The following METTL5 variants were observed in gnomAD, a reference collection of about 807,000 sequenced individuals.
METTL5 encodes the protein methyltransferase 5, N6-adenosine.
Under a neutral mutation model 26.5 loss-of-function variants are expected in METTL5, and 28 were observed. The ratio of observed to expected loss-of-function variants is 1.06; its 90% confidence interval spans 0.78 to 1.45. The LOEUF is 1.45. Ranked by LOEUF, METTL5 falls within the 40% of genes most tolerant of loss-of-function variation. METTL5 has a pLI of 0.00. For synonymous variants in METTL5, 86 were observed against 82.6 expected, an observed-to-expected ratio of 1.04 and a Z score of -0.22; for missense variants, 231 against 249.9, an observed-to-expected ratio of 0.92 and a Z score of 0.51.
At chr2:169,815,216 G>T (rs1163012808) in intron 5 of METTL5, among the ~76,000 whole-genome samples, 4 of 152,168 alleles carry the variant, frequency 2.6e-5, no homozygotes, top group Admixed American at 2.6e-4. Flanking sequence ...TTTAGCCATT[G>T]TGCTGCTATA....
In METTL5 at chr2:169,824,615, A is replaced by G. The variant is rs200976505; in HGVS notation, c.-18T>C. 6.3e-7 allele frequency: 1 copy of G among 1,576,978 alleles called. No individual in the cohort carries two copies. The highest frequency in any genetic ancestry group is 1.3e-5 in the African/African-American group (1 of 74,220). On this transcript the variant is annotated 5_prime_UTR_variant, in exon 1 of 7. Coordinates refer to ENST00000260953, the MANE Select transcript of METTL5 (RefSeq NM_014168.4). ...TTCTTCATTTTGTTTTAAAGTATGG[A>G]CTCGTAGGGTTTGAAGGCACAGGAT...
intron 4 of METTL5, among the ~76,000 whole-genome samples, chr2:169,816,156 C>T (rs1338750888): frequency 6.6e-6 from 1 of 152,156 alleles, no homozygotes; most frequent in Non-Finnish European, 1.5e-5. Context: ...CATATGGTTT[C>T]TGTAGCATTA....
At chr2:169,817,430 G>C (rs1254612971) in intron 4 of METTL5, among the ~76,000 whole-genome samples, 1 of 152,040 alleles carries the variant, frequency 6.6e-6, no homozygotes, top group Non-Finnish European at 1.5e-5. Context: ...CCCATGACTG[G>C]GTATATACCC....
chr2:169,816,304 C>T (rs1249258901), intron 4 of METTL5, among the ~76,000 whole-genome samples: 2 of 152,102 alleles, frequency 1.3e-5, no homozygotes, highest in African/African-American at 4.8e-5. Flanking sequence ...GGGATCATTT[C>T]TATAGTTCGT....
Position 169,819,656 on chromosome 2 carries a change from GA to G in METTL5, c.407-14del. The stretch of plus-strand genomic sequence containing the variant: ...GCCATATCTGTCCCTGTGAAGAGTA[GA>G]AAAAAAGCTCCTATTTACCTCTTCT... On this transcript the variant is annotated splice_polypyrimidine_tract_variant and intron_variant, in intron 3 of 6. Transcript: ENST00000260953. 5 of 1,583,242 alleles carry G rather than the reference GA, an allele frequency of 3.2e-6. No homozygotes were observed. Among genetic ancestry groups the G allele is most frequent in the East Asian group, 2.2e-5 (1 of 44,590 alleles).
chr2:169,821,048 T>A (rs1019977364), intron 3 of METTL5, 44 bp downstream of exon 3: 1 of 1,485,402 alleles, frequency 6.7e-7, no homozygotes. Flanking sequence ...GGTTTTAAAA[T>A]CTTTTCTATA....
intron 5 of METTL5, among the ~76,000 whole-genome samples, chr2:169,813,580 C>T (rs1345868275): frequency 1.3e-5 from 2 of 151,604 alleles, no homozygotes; most frequent in Admixed American, 6.6e-5. Flanking sequence ...ACTGGCCGGG[C>T]GCGGTGGCTC....
rs1365780311 is a variant in METTL5, at chr2:169,811,824, A to C, written c.626T>G (p.Phe209Cys). ...CGACTTTTGTTTGCGGGGCTTTTAAAAGGAAAACCGAATTAGGTCCACTTC... is the reference window on the plus strand; with the variant it reads ...CGACTTTTGTTTGCGGGGCTTTTAACAGGAAAACCGAATTAGGTCCACTTC... ...DIEVDLIRFS[F>C] The change falls in exon 7 of 7, where the codon TTT becomes TGT. Residue 209 changes from phenylalanine (F) to cysteine (C), a missense_variant. Transcript: ENST00000260953. 6.2e-7 allele frequency: 1 copy of C among 1,613,700 alleles called. No individual in the cohort carries two copies. The highest frequency in any genetic ancestry group is 1.7e-5 in the Admixed American group (1 of 59,990).
rs1445332477 is a variant in METTL5 at position 169,819,559 on chromosome 2, ACTTCT to A, written c.486_489+1del. On this transcript the variant is annotated splice_donor_variant and coding_sequence_variant, in exon 4 of 7. Transcript: ENST00000260953. LOFTEE classifies it high-confidence loss of function. ...ACAGAATATCAGATGATTTGAACTT[ACTTCT>A]CTAGTTGAGGATTTGTGTAAGGAAT... The A allele has an allele frequency of 6.2e-7, 1 of 1,601,034 alleles. No homozygotes were observed. Among genetic ancestry groups the A allele is most frequent in the East Asian group, 2.2e-5 (1 of 44,700 alleles).
At chr2:169,816,059 A>G (rs769744965) in intron 4 of METTL5, among the ~76,000 whole-genome samples, 2 of 152,208 alleles carry the variant, frequency 1.3e-5, no homozygotes, top group Non-Finnish European at 2.9e-5. Context: ...TGATGAAATC[A>G]CCTCAGAATG....
At chr2:169,812,270 C>T (rs1558974558) in intron 6 of METTL5, 187 bp downstream of exon 6, 3 of 878,666 alleles carry the variant, frequency 3.4e-6, no homozygotes, top group Non-Finnish European at 5.3e-6. Flanking sequence ...GACTGAGTCT[C>T]ACTCTTATCG....
intron 5 of METTL5, among the ~76,000 whole-genome samples, chr2:169,815,083 G>C (rs564169731): frequency 6.6e-6 from 1 of 151,780 alleles, no homozygotes; most frequent in Non-Finnish European, 1.5e-5. Context: ...AGTAGAGATG[G>C]GGTTTCACCA....
At chr2:169,818,273 T>C (rs531699813) in intron 4 of METTL5, among the ~76,000 whole-genome samples, 3 of 152,338 alleles carry the variant, frequency 2.0e-5, no homozygotes, top group Admixed American at 6.5e-5. Context: ...AATTGTGTCC[T>C]GTGTTATTCT....
chr2:169,822,120 A>G, intron 1 of METTL5, 63 bp from the exon 2 acceptor site: 1 of 1,546,406 alleles, frequency 6.5e-7, no homozygotes, highest in Non-Finnish European at 8.7e-7. Context: ...ATTTGTGCAA[A>G]TGACTCTTTC....
At chr2:169,820,527 G>T (rs371254243) in intron 3 of METTL5, among the ~76,000 whole-genome samples, 1 of 152,262 alleles carries the variant, frequency 6.6e-6, no homozygotes, top group Middle Eastern at 3.4e-3. Context: ...ATACAAATTT[G>T]TAAAAATGAA....
intron 1 of METTL5, among the ~76,000 whole-genome samples, chr2:169,822,955 T>C (rs902611150): frequency 6.6e-6 from 1 of 152,152 alleles, no homozygotes; most frequent in African/African-American, 2.4e-5. Flanking sequence ...GCAAGGACTG[T>C]TGGCCACTGA....
chr2:169,812,047 A>G (rs1485454690), intron 6 of METTL5, 189 bp from the exon 7 acceptor site: 7 of 676,788 alleles, frequency 1.0e-5, no homozygotes, highest in Non-Finnish European at 4.8e-6. Flanking sequence ...AATATATACT[A>G]TATGAAAAGA....
intron 4 of METTL5, 84 bp from the exon 5 acceptor site, chr2:169,815,612 G>A (rs2081495849): frequency 1.2e-5 from 12 of 963,650 alleles, no homozygotes; most frequent in Admixed American, 5.9e-5. Flanking sequence ...TTGAGATTGA[G>A]TTTTTAAGCT....
chr2:169,824,358 C>T, intron 1 of METTL5, 131 bp downstream of exon 1: 1 of 715,450 alleles, frequency 1.4e-6, no homozygotes, highest in Non-Finnish European at 2.4e-6. Flanking sequence ...GAAGGCCTCT[C>T]TAACGCGACA....
Sources: allele counts gnomAD v4.1 joint callset (sites outside exome capture counted in the v4.1 genomes callset), GRCh38; gene constraint gnomAD v4.1.1; transcripts MANE v1.5; gene names NCBI Gene and HGNC (gene_info 2026-07-23, HGNC 2026-07-21).